The following PSD3 variants were observed in gnomAD, a reference collection of about 807,000 sequenced individuals.
PSD3 encodes pleckstrin and Sec7 domain containing 3.
PSD3 carries 49 observed loss-of-function variants against 105.5 expected under a neutral mutation model. That is an observed-to-expected ratio of 0.46 (90% confidence interval 0.37 to 0.59). The LOEUF (loss-of-function observed/expected upper bound fraction) is 0.59. Among genes scored for constraint, PSD3 ranks in the 20% least tolerant of loss-of-function variants. The pLI is 0.00. For missense variants in PSD3, 1,561 were observed against 1,263.8 expected, an observed-to-expected ratio of 1.24 and a Z score of -3.57; for synonymous variants, 557 against 457.8, an observed-to-expected ratio of 1.22 and a Z score of -2.77.
chr8:18,780,233 T>C (rs1181311243), intron 8 of PSD3, among the ~76,000 whole-genome samples: 2 of 152,228 alleles, frequency 1.3e-5, no homozygotes, highest in African/African-American at 4.8e-5. Context: ...GTGTAGCTAC[T>C]CATGCTTGCT....
intron 1 of PSD3, among the ~76,000 whole-genome samples, chr8:19,065,382 C>T (rs1486949631): frequency 1.3e-5 from 2 of 152,168 alleles, no homozygotes; most frequent in African/African-American, 2.4e-5. Flanking sequence ...AATTCTGATA[C>T]TATCTACCTG....
At chr8:18,639,278 A>G (rs1321381714) in intron 10 of PSD3, among the ~76,000 whole-genome samples, 1 of 151,504 alleles carries the variant, frequency 6.6e-6, no homozygotes, top group Non-Finnish European at 1.5e-5. Context: ...TTTTTAATTG[A>G]GAGTTTGCCT....
chr8:18,562,455 G>A (rs1170574576), intron 14 of PSD3, among the ~76,000 whole-genome samples: 1 of 152,198 alleles, frequency 6.6e-6, no homozygotes, highest in African/African-American at 2.4e-5. Context: ...TCAGCACATT[G>A]TCTTACTTGA....
At chr8:18,698,970 A>C (rs1801417547) in intron 9 of PSD3, among the ~76,000 whole-genome samples, 1 of 152,214 alleles carries the variant, frequency 6.6e-6, no homozygotes, top group Non-Finnish European at 1.5e-5. Flanking sequence ...TAATCATCTG[A>C]AGACCCAAAG....
At chr8:19,066,991 A>G (rs1829095454) in intron 1 of PSD3, among the ~76,000 whole-genome samples, 1 of 152,192 alleles carries the variant, frequency 6.6e-6, no homozygotes, top group South Asian at 2.1e-4. Context: ...CTCAAAGAAA[A>G]GCCTTATGAC....
chr8:18,968,036 G>C (rs1022414895), intron 1 of PSD3, among the ~76,000 whole-genome samples: 5 of 150,822 alleles, frequency 3.3e-5, no homozygotes, highest in African/African-American at 1.2e-4. Flanking sequence ...TGAGCACTCT[G>C]ACCACAGCAG....
intron 1 of PSD3, among the ~76,000 whole-genome samples, chr8:19,046,458 G>A (rs535696218): frequency 3.3e-5 from 5 of 152,112 alleles, no homozygotes; most frequent in Admixed American, 6.6e-5. Context: ...AGCAGCAACC[G>A]ATTTCCTTTA....
chr8:18,754,317 C>T (rs1258094688), intron 9 of PSD3, among the ~76,000 whole-genome samples: 1 of 152,090 alleles, frequency 6.6e-6, no homozygotes, highest in East Asian at 1.9e-4. Context: ...CTGGGAGGCA[C>T]AGGTTGCGGT....
At chr8:18,949,209 G>T (rs13260524) in intron 1 of PSD3, among the ~76,000 whole-genome samples, 3 of 70,256 alleles carry the variant, frequency 4.3e-5, no homozygotes, top group Non-Finnish European at 8.0e-5. Context: ...GCTACAGATC[G>T]AGACTCTGTC....
At chr8:18,805,382 C>T (rs1412872560) in intron 4 of PSD3, among the ~76,000 whole-genome samples, 1 of 152,176 alleles carries the variant, frequency 6.6e-6, no homozygotes, top group Non-Finnish European at 1.5e-5. Flanking sequence ...GCCATTTCTA[C>T]ATTCAATCAG....
chr8:18,560,945 CT>C (rs556481313), intron 14 of PSD3, among the ~76,000 whole-genome samples: 80 of 152,184 alleles, frequency 5.3e-4, no homozygotes, highest in Admixed American at 4.3e-3. Context: ...AGGTTAGACC[CT>C]TTTTTGCCCC....
intron 3 of PSD3, among the ~76,000 whole-genome samples, chr8:18,870,369 A>G (rs1216665793): frequency 2.6e-5 from 4 of 152,188 alleles, no homozygotes; most frequent in Non-Finnish European, 5.9e-5. Context: ...CCATTTATCC[A>G]GGGTCTAAGC....
chr8:18,973,809 T>G (rs1824783136), intron 1 of PSD3, among the ~76,000 whole-genome samples: 1 of 152,236 alleles, frequency 6.6e-6, no homozygotes, highest in Non-Finnish European at 1.5e-5. Context: ...CTGCTGTTAT[T>G]ATTAAACTAT....
intron 8 of PSD3, among the ~76,000 whole-genome samples, chr8:18,778,794 C>G (rs1458580997): frequency 6.6e-6 from 1 of 151,924 alleles, no homozygotes; most frequent in African/African-American, 2.4e-5. Flanking sequence ...CCTACCATCC[C>G]TGGAATAAAA....
chr8:19,006,263 C>T (rs1301265531), intron 1 of PSD3, among the ~76,000 whole-genome samples: 6 of 143,640 alleles, frequency 4.2e-5, no homozygotes, highest in African/African-American at 1.3e-4. Context: ...ATTGCACCCC[C>T]GGCCTGGGTG....
At chr8:18,619,668 C>T (rs1012101127) in intron 11 of PSD3, among the ~76,000 whole-genome samples, 1 of 151,936 alleles carries the variant, frequency 6.6e-6, no homozygotes, top group East Asian at 1.9e-4. Flanking sequence ...GACCTAAGGC[C>T]GTGTGGCCAT....
At chr8:18,569,312 C>T (rs1372168487) in intron 14 of PSD3, among the ~76,000 whole-genome samples, 1 of 133,770 alleles carries the variant, frequency 7.5e-6, no homozygotes, top group African/African-American at 2.8e-5. Context: ...AACTAGTTTA[C>T]AGTCCCACCA....
intron 15 of PSD3, among the ~76,000 whole-genome samples, chr8:18,540,904 A>G (rs1279603942): frequency 6.6e-6 from 1 of 152,090 alleles, no homozygotes. Context: ...CCTGGGCTTG[A>G]ATCTGCCTCC....
chr8:19,025,570 C>A (rs1408239133), intron 1 of PSD3, among the ~76,000 whole-genome samples: 2 of 152,162 alleles, frequency 1.3e-5, no homozygotes, highest in African/African-American at 4.8e-5. Context: ...GGGTTGAGGT[C>A]CTGCCATCAT....
Sources: gnomAD v4.1 joint callset for allele counts (sites outside exome capture counted in the v4.1 genomes callset) on GRCh38, gnomAD v4.1.1 for gene constraint, MANE v1.5 for transcripts, NCBI Gene and HGNC (gene_info 2026-07-23, HGNC 2026-07-21) for gene names.